The following CDKAL1 variants were observed in gnomAD, a reference collection of about 807,000 sequenced individuals.
CDKAL1 encodes the protein CDKAL1 threonylcarbamoyladenosine tRNA methylthiotransferase, also known as threonylcarbamoyladenosine tRNA methylthiotransferase.
Under a neutral mutation model 68.2 loss-of-function variants are expected in CDKAL1, and 32 were observed. That is an observed-to-expected ratio of 0.47 (90% CI 0.35 to 0.63). The LOEUF (loss-of-function observed/expected upper bound fraction) is 0.63, where lower values mean the gene tolerates loss of function less well. CDKAL1 is among the 30% of genes least tolerant of loss of function. The probability of loss-of-function intolerance (pLI) is 0.00; values close to 1 mark genes in which losing one functional copy is unlikely to be tolerated. For synonymous variants in CDKAL1, 234 were observed against 244.3 expected (o/e 0.96, Z 0.39); for missense variants, 606 against 696.7 (o/e 0.87, Z 1.47).
At chr6:20,861,625 T>C (rs1759633937) in intron 9 of CDKAL1, among the ~76,000 whole-genome samples, 1 of 152,216 alleles carries the variant, frequency 6.6e-6, no homozygotes, top group Non-Finnish European at 1.5e-5. Flanking sequence ...AGGATTCATG[T>C]TCTGTGTAGA....
At chr6:20,812,680 A>G (rs1266022924) in intron 8 of CDKAL1, among the ~76,000 whole-genome samples, 2 of 152,128 alleles carry the variant, frequency 1.3e-5, no homozygotes, top group Admixed American at 6.5e-5. Flanking sequence ...CTAACAGCCT[A>G]GATTGTTAGA....
intron 13 of CDKAL1, 53 bp downstream of exon 13, chr6:21,108,516 T>A: frequency 8.7e-7 from 1 of 1,151,710 alleles, no homozygotes; most frequent in Non-Finnish European, 1.3e-6. Context: ...TCCGAATGTA[T>A]AGTACAATTT....
intron 11 of CDKAL1, among the ~76,000 whole-genome samples, chr6:21,013,574 CA>C (rs1031437794): frequency 8.5e-5 from 13 of 152,298 alleles, no homozygotes; most frequent in African/African-American, 3.1e-4. Context: ...TTACTAAGAG[CA>C]GTAAGAAGGA....
chr6:20,793,916 G>A (rs914981301), intron 8 of CDKAL1, among the ~76,000 whole-genome samples: 3 of 150,098 alleles, frequency 2.0e-5, no homozygotes, highest in Non-Finnish European at 3.0e-5. Flanking sequence ...ATTTTCTGAT[G>A]TACTTTACAA....
intron 11 of CDKAL1, among the ~76,000 whole-genome samples, chr6:21,026,631 G>C (rs1291890777): frequency 2.0e-5 from 3 of 152,074 alleles, no homozygotes; most frequent in African/African-American, 7.2e-5. Context: ...ATTCAGGAGG[G>C]CAATAATCAG....
chr6:20,607,195 G>T (rs1027387545), intron 4 of CDKAL1, among the ~76,000 whole-genome samples: 2 of 152,134 alleles, frequency 1.3e-5, no homozygotes, highest in Non-Finnish European at 2.9e-5. Flanking sequence ...AGTTTCTTCT[G>T]GTCACCAAAT....
rs183497674 is a variant in CDKAL1 at position 21,133,355 on chromosome 6, G to A, written c.1299+24892G>A. ...AATCTTAGGGACAGGCTGTTGGTTT[G>A]TTCGGGCTTTCCCAGCCCTGGTGCT... On this transcript the variant is annotated intron_variant, in intron 13 of 15. Coordinates refer to ENST00000274695, the MANE Select transcript of CDKAL1 (RefSeq NM_017774.3). Among the ~76,000 whole-genome samples the A allele has an allele frequency of 3.6e-4, 55 of 152,250 alleles. No individual in the cohort carries two copies. In the East Asian group the frequency reaches 9.1e-3, roughly 25 times the overall value.
chr6:21,131,152 C>T (rs992366107), intron 13 of CDKAL1, among the ~76,000 whole-genome samples: 2 of 152,114 alleles, frequency 1.3e-5, no homozygotes, highest in African/African-American at 4.8e-5. Flanking sequence ...GTATGATTTG[C>T]ATAATAAGGC....
At chr6:21,110,871 T>G (rs1286728141) in intron 13 of CDKAL1, among the ~76,000 whole-genome samples, 1 of 152,132 alleles carries the variant, frequency 6.6e-6, no homozygotes, top group Non-Finnish European at 1.5e-5. Flanking sequence ...GGGACAGGTT[T>G]AGGCAGGAGG....
chr6:21,087,439 C>T (rs943519278), intron 12 of CDKAL1, among the ~76,000 whole-genome samples: 2 of 152,212 alleles, frequency 1.3e-5, no homozygotes, highest in Non-Finnish European at 2.9e-5. Flanking sequence ...AAATGATCCT[C>T]CAGCCTCAGC....
intron 13 of CDKAL1, among the ~76,000 whole-genome samples, chr6:21,162,549 A>T (rs567136471): frequency 1.6e-3 from 240 of 152,294 alleles, no homozygotes; most frequent in Non-Finnish European, 3.0e-3. Flanking sequence ...ATTGAAAGTA[A>T]AAACAAAAGC....
At chr6:21,127,513 G>A (rs1582256104) in intron 13 of CDKAL1, among the ~76,000 whole-genome samples, 1 of 152,250 alleles carries the variant, frequency 6.6e-6, no homozygotes, top group East Asian at 1.9e-4. Flanking sequence ...ACTTTGGGAG[G>A]CCGAGGTCAG....
At chr6:20,779,701 C>T (rs1775330605) in intron 7 of CDKAL1, among the ~76,000 whole-genome samples, 1 of 152,220 alleles carries the variant, frequency 6.6e-6, no homozygotes, top group Non-Finnish European at 1.5e-5. Flanking sequence ...TCTCTTGTCT[C>T]ACTCTCTCGA....
Position 21,000,246 on chromosome 6 carries a change from A to G in CDKAL1, c.929A>G (p.Asn310Ser). ...TTTAAGGAAATGGCAAAAATCCTTA[A>G]TCACCCCAGAGTCTACGCTTTTCTG... ...EHLEEMAKIL[N>S]HPRVYAFLHI... The change falls in exon 11 of 16, where the codon AAT becomes AGT. Residue 310 changes from asparagine (N) to serine (S), a missense_variant. By Grantham distance (46) the Asn-to-Ser change is conservative. Coordinates refer to ENST00000274695, the MANE Select transcript of CDKAL1 (RefSeq NM_017774.3). 1.2e-6 allele frequency: 2 copies of G among 1,610,438 alleles called. No individual in the cohort carries two copies. Among genetic ancestry groups the G allele is most frequent in the Non-Finnish European group, 1.7e-6 (2 of 1,178,504 alleles).
chr6:20,554,086 G>A (rs1459963952), intron 4 of CDKAL1, among the ~76,000 whole-genome samples: 6 of 152,272 alleles, frequency 3.9e-5, no homozygotes, highest in Admixed American at 6.5e-5. Context: ...CCAAAGTGCT[G>A]GGATTACAGG....
intron 10 of CDKAL1, among the ~76,000 whole-genome samples, chr6:20,985,361 T>C (rs1281091613): frequency 6.6e-6 from 1 of 152,162 alleles, no homozygotes; most frequent in Non-Finnish European, 1.5e-5. Context: ...TGCTGCGATC[T>C]CGGCTCACTG....
At chr6:20,558,712 T>G (rs1161779134) in intron 4 of CDKAL1, 1 of 402,410 alleles carries the variant, frequency 2.5e-6, no homozygotes, top group East Asian at 7.2e-5. Context: ...GTCAAGGATG[T>G]GTTGTTCGAA....
In CDKAL1 at chr6:20,681,095, T is replaced by C. The variant is rs532567981; in HGVS notation, c.371+31718T>C. 6.6e-5 allele frequency among the ~76,000 whole-genome samples: 10 copies of C among 152,354 alleles called. No homozygotes were observed. In the South Asian group the frequency reaches 1.9e-3, roughly 28 times the overall value. On this transcript the variant is annotated intron_variant, in intron 5 of 15. Coordinates refer to ENST00000274695, the MANE Select transcript of CDKAL1 (RefSeq NM_017774.3). The stretch of plus-strand genomic sequence containing the variant: ...TCTGTTGTATCATGTTAGTTGGAGA[T>C]ATTTAGCTTAAGCCTCTTCCCTGTT...
At chr6:20,685,168 A>G (rs1770560276) in intron 5 of CDKAL1, among the ~76,000 whole-genome samples, 1 of 152,154 alleles carries the variant, frequency 6.6e-6, no homozygotes, top group Non-Finnish European at 1.5e-5. Flanking sequence ...ATTTCGATCT[A>G]ATTTTTGTCA....
Sources: gnomAD v4.1 joint callset for allele counts (sites outside exome capture counted in the v4.1 genomes callset) on GRCh38, gnomAD v4.1.1 for gene constraint, MANE v1.5 for transcripts, NCBI Gene and HGNC (gene_info 2026-07-23, HGNC 2026-07-21) for gene names.